Variants in ANKHD1 observed in about 807,000 individuals in gnomAD.
The protein encoded by ANKHD1 is ankyrin repeat and KH domain containing 1.
A neutral mutation model predicts 230.5 loss-of-function variants in ANKHD1; 31 were observed. The observed-to-expected ratio is 0.13, with a 90% CI of 0.10 to 0.18. The LOEUF (loss-of-function observed/expected upper bound fraction) is 0.18. Ranked by LOEUF, ANKHD1 falls within the 10% of genes least tolerant of loss-of-function variation. ANKHD1 has a pLI of 1.00. For missense variants in ANKHD1, 2,256 were observed against 3,071.3 expected, an observed-to-expected ratio of 0.73 and a Z score of 6.27; for synonymous variants, 1,074 against 1,117.6, an observed-to-expected ratio of 0.96 and a Z score of 0.78.
intron 24 of ANKHD1, among the ~76,000 whole-genome samples, chr5:140,516,970 C>T (rs1379115515): frequency 6.6e-6 from 1 of 151,960 alleles, no homozygotes; most frequent in Non-Finnish European, 1.5e-5. Flanking sequence ...GGATTAAATG[C>T]TCCAATTAAA....
At chr5:140,454,810 A>G (rs1456709260) in intron 7 of ANKHD1, among the ~76,000 whole-genome samples, 1 of 152,226 alleles carries the variant, frequency 6.6e-6, no homozygotes, top group Non-Finnish European at 1.5e-5. Context: ...GAACTAGAGA[A>G]GTAAGAGCAA....
chr5:140,537,409 T>G lies in ANKHD1; in HGVS notation c.7048T>G (p.Leu2350Val). Reference protein sequence around the residue: ...SNSSTSAPPTLGQPKGVSASQ... With the variant: ...SNSSTSAPPTVGQPKGVSASQ... ...TTCAGCCACTTCTGCCCCACCAACGTTGGGCCAACCAAAAGGAGTCAGTGC... is the reference window on the plus strand; with the variant it reads ...TTCAGCCACTTCTGCCCCACCAACGGTGGGCCAACCAAAAGGAGTCAGTGC... The change falls in exon 31 of 34, where the codon TTG becomes GTG. Residue 2350 changes from leucine (L) to valine (V), a missense_variant. By Grantham distance (32) the Leu-to-Val change is conservative (BLOSUM62 1). This residue lies in a region of ANKHD1 where 778 missense variants were observed against 966.5 expected (regional missense o/e 0.80). Coordinates refer to ENST00000360839, the MANE Select transcript of ANKHD1 (RefSeq NM_017747.3). 1 of 1,614,134 alleles carries G rather than the reference T, an allele frequency of 6.2e-7. No homozygotes were observed. Among genetic ancestry groups the G allele is most frequent in the Non-Finnish European group, 8.5e-7 (1 of 1,179,994 alleles).
chr5:140,420,231 C>G (rs1771864120), intron 1 of ANKHD1, among the ~76,000 whole-genome samples: 2 of 151,776 alleles, frequency 1.3e-5, no homozygotes, highest in African/African-American at 2.4e-5. Flanking sequence ...CTCAGGCAGT[C>G]CTCCCGCCTT....
chr5:140,415,909 G>T (rs1771337599), intron 1 of ANKHD1, among the ~76,000 whole-genome samples: 1 of 151,942 alleles, frequency 6.6e-6, no homozygotes, highest in African/African-American at 2.4e-5. Context: ...TGTACATTAG[G>T]TATATTTCCT....
At chr5:140,520,527 C>G (rs1417719993) in intron 24 of ANKHD1, among the ~76,000 whole-genome samples, 5 of 151,812 alleles carry the variant, frequency 3.3e-5, no homozygotes, top group African/African-American at 4.8e-5. Flanking sequence ...TTGGAACCAA[C>G]CCAAATGTCC....
At chr5:140,436,053 A>G in intron 1 of ANKHD1, 51 bp from the exon 2 acceptor site, 3 of 1,409,860 alleles carry the variant, frequency 2.1e-6, no homozygotes, top group Non-Finnish European at 2.8e-6. Flanking sequence ...TAGTTATTCT[A>G]ATCATATTGA....
intron 25 of ANKHD1, among the ~76,000 whole-genome samples, chr5:140,524,586 G>C (rs1753515077): frequency 6.6e-6 from 1 of 152,058 alleles, no homozygotes; most frequent in Non-Finnish European, 1.5e-5. Flanking sequence ...AAATTTCTCA[G>C]TTTACTTTTA....
At chr5:140,445,497 CTG>C (rs1222794346) in intron 5 of ANKHD1, among the ~76,000 whole-genome samples, 5 of 151,964 alleles carry the variant, frequency 3.3e-5, no homozygotes, top group African/African-American at 9.7e-5. Flanking sequence ...GAATGACACT[CTG>C]TCTCAAAGAA....
intron 5 of ANKHD1, among the ~76,000 whole-genome samples, chr5:140,441,972 G>C (rs967671045): frequency 6.7e-5 from 10 of 149,692 alleles, no homozygotes; most frequent in African/African-American, 2.5e-4. Flanking sequence ...ATAAACCTGA[G>C]TGTTTACCCT....
chr5:140,472,460 A>G lies in ANKHD1; in HGVS notation c.1782+7684A>G, dbSNP rs886918126. On this transcript the variant is annotated intron_variant, in intron 10 of 33. Coordinates refer to ENST00000360839, the MANE Select transcript of ANKHD1 (RefSeq NM_017747.3). ...AAGATTATGAAGTCCCAATAAAAAG[A>G]GATTTGTATTGCTGGTAGTTTGTTT... The G allele has an allele frequency of 1.2e-4, 157 of 1,343,992 alleles. No homozygotes were observed. In the South Asian group the frequency reaches 1.3e-3, roughly 11 times the overall value. 83.3% of individuals were successfully genotyped at this position (1,343,992 alleles called of 1,614,324 possible).
rs540711387 is a variant in ANKHD1, at chr5:140,439,930, C to T, written c.618-189C>T. ...GGTTTCAAATTCACTCACTGGCTTTCTGGCTTGGTTGATAAACATGAATAA... is the reference window on the plus strand; with the variant it reads ...GGTTTCAAATTCACTCACTGGCTTTTTGGCTTGGTTGATAAACATGAATAA... On this transcript the variant is annotated intron_variant, in intron 3 of 33. Coordinates refer to ENST00000360839, the MANE Select transcript of ANKHD1 (RefSeq NM_017747.3). Among the ~76,000 whole-genome samples, 451 of 152,272 alleles carry T rather than the reference C, an allele frequency of 3.0e-3. 3 individuals are homozygous for T. The highest frequency in any genetic ancestry group is 0.018 in the South Asian group (89 of 4,824).
chr5:140,416,260 G>C (rs1407590328), intron 1 of ANKHD1, among the ~76,000 whole-genome samples: 3 of 152,214 alleles, frequency 2.0e-5, no homozygotes, highest in African/African-American at 7.2e-5. Context: ...GTGTGCGTGT[G>C]TCTTTATAGC....
intron 1 of ANKHD1, among the ~76,000 whole-genome samples, chr5:140,419,794 C>CTT (rs869187613): frequency 7.3e-6 from 1 of 136,964 alleles, no homozygotes; most frequent in African/African-American, 2.9e-5. Context: ...TTCTTTCTTT[C>CTT]TTTCTTTCTT....
At chr5:140,406,043 CA>C (rs763172410) in intron 1 of ANKHD1, among the ~76,000 whole-genome samples, 1 of 151,940 alleles carries the variant, frequency 6.6e-6, no homozygotes, top group Non-Finnish European at 1.5e-5. Flanking sequence ...AGTTAGAGAC[CA>C]GCCTGGCCAA....
At chr5:140,497,338 T>C in intron 15 of ANKHD1, 60 bp downstream of exon 15, 6 of 1,514,626 alleles carry the variant, frequency 4.0e-6, no homozygotes, top group Non-Finnish European at 5.3e-6. Context: ...AACTTCTTTA[T>C]ATACCCCTCC....
At chr5:140,515,470 C>T (rs934254723) in intron 24 of ANKHD1, among the ~76,000 whole-genome samples, 6 of 152,060 alleles carry the variant, frequency 3.9e-5, no homozygotes, top group Non-Finnish European at 5.9e-5. Context: ...CCAAGGTGGC[C>T]GAATAGGAGC....
chr5:140,522,924 T>C (rs1753417400), intron 24 of ANKHD1, among the ~76,000 whole-genome samples: 2 of 152,154 alleles, frequency 1.3e-5, no homozygotes, highest in African/African-American at 2.4e-5. Flanking sequence ...GCTAATGATA[T>C]TGAACATCTA....
In ANKHD1 at chr5:140,497,036, A is replaced by G. The variant is rs776539135; in HGVS notation, c.2762A>G (p.Gln921Arg). ...DEQQSPPSAE[Q>R]IDFVPVQPLS... ...CAACAGTCTCCACCATCGGCAGAAC[A>G]GATTGATTTTGTCCCAGTCCAGCCT... Residue 921 changes from glutamine to arginine, a missense_variant, in exon 15 of 34, where the codon CAG becomes CGG. Physicochemically the swap from Gln to Arg is conservative, Grantham distance 43. Coordinates refer to ENST00000360839, the MANE Select transcript of ANKHD1 (RefSeq NM_017747.3). 6.8e-6 allele frequency: 11 copies of G among 1,614,096 alleles called. No individual in the cohort carries two copies. Among genetic ancestry groups the G allele is most frequent in the Middle Eastern group, 1.6e-4 (1 of 6,084 alleles).
At chr5:140,444,011 C>G (rs942514703) in intron 5 of ANKHD1, among the ~76,000 whole-genome samples, 1 of 150,092 alleles carries the variant, frequency 6.7e-6, no homozygotes, top group African/African-American at 2.5e-5. Flanking sequence ...CCATGTTGTT[C>G]TCAGTACCTT....
Sources: allele counts gnomAD v4.1 joint callset (sites outside exome capture counted in the v4.1 genomes callset), GRCh38; gene constraint gnomAD v4.1.1; regional missense constraint gnomAD v4.1.1; transcripts MANE v1.5; gene names NCBI Gene and HGNC (gene_info 2026-07-23, HGNC 2026-07-21).